The following DCC variants were observed in gnomAD, a reference collection of about 807,000 sequenced individuals.
The protein encoded by DCC is netrin receptor DCC.
In DCC, 58 loss-of-function variants were observed where a neutral mutation model predicts 172.5. The observed-to-expected ratio is 0.34, with a 90% CI of 0.27 to 0.42. DCC has a LOEUF of 0.42. DCC is among the 10% of genes least tolerant of loss of function. The probability of loss-of-function intolerance (pLI) is 1.00; values close to 1 mark genes in which losing one functional copy is unlikely to be tolerated. For synonymous variants in DCC, 709 were observed against 644.5 expected (o/e 1.10, Z -1.52); for missense variants, 1,740 against 1,791.0 (o/e 0.97, Z 0.51).
intron 2 of DCC, among the ~76,000 whole-genome samples, chr18:52,797,350 T>C (rs984928123): frequency 2.0e-5 from 3 of 152,228 alleles, no homozygotes; most frequent in Non-Finnish European, 4.4e-5. Context: ...TATGTTAATA[T>C]CTGCACATCT....
At chr18:52,728,342 G>C (rs1599053190) in intron 1 of DCC, among the ~76,000 whole-genome samples, 1 of 152,146 alleles carries the variant, frequency 6.6e-6, no homozygotes, top group African/African-American at 2.4e-5. Context: ...CAGCTCAAGG[G>C]TAGAGGCATT....
chr18:52,421,252 C>G (rs1212357929), intron 1 of DCC, among the ~76,000 whole-genome samples: 1 of 152,122 alleles, frequency 6.6e-6, no homozygotes, highest in Non-Finnish European at 1.5e-5. Context: ...TCTCAGAAAT[C>G]ATGTAGACAG....
intron 1 of DCC, among the ~76,000 whole-genome samples, chr18:52,433,398 T>C (rs1450736391): frequency 6.6e-6 from 1 of 152,200 alleles, no homozygotes; most frequent in Non-Finnish European, 1.5e-5. Flanking sequence ...ATATTACAGA[T>C]GAGGTAATGA....
intron 2 of DCC, among the ~76,000 whole-genome samples, chr18:52,858,100 G>A (rs17478731): frequency 0.021 from 3,180 of 152,250 alleles, 57 homozygotes; most frequent in Admixed American, 0.04. Context: ...TTTAGATAGC[G>A]AGAATCATGC....
At chr18:52,938,680 A>G (rs2040417407) in intron 5 of DCC, among the ~76,000 whole-genome samples, 1 of 152,164 alleles carries the variant, frequency 6.6e-6, no homozygotes, top group Admixed American at 6.6e-5. Flanking sequence ...ACATATGAAA[A>G]CTGTCAAAAT....
intron 5 of DCC, 117 bp downstream of exon 5, chr18:52,925,487 C>A: frequency 3.9e-6 from 4 of 1,012,806 alleles, no homozygotes; most frequent in Non-Finnish European, 4.7e-6. Context: ...TTGCAAAGTC[C>A]CAATACTCCA....
chr18:53,503,610 C>T (rs904593622), intron 27 of DCC, among the ~76,000 whole-genome samples: 1 of 152,056 alleles, frequency 6.6e-6, no homozygotes, highest in Non-Finnish European at 1.5e-5. Context: ...TTACAAAGGG[C>T]TAAGATAGGG....
At chr18:52,967,314 A>T (rs562612494) in intron 5 of DCC, among the ~76,000 whole-genome samples, 1 of 152,262 alleles carries the variant, frequency 6.6e-6, no homozygotes, top group Admixed American at 6.5e-5. Context: ...CTCCCAAGGT[A>T]GAGTTAACTG....
chr18:52,394,629 T>A lies in DCC; in HGVS notation c.91+53751T>A, dbSNP rs542388528. Among the ~76,000 whole-genome samples the A allele has an allele frequency of 3.9e-4, 60 of 152,100 alleles. 1 individual carries two copies. The South Asian group carries it at 0.012, about 32-fold the overall frequency. ...CTTCCAATGTTTTTAAAAGCATAAG[T>A]CAGTGGGCAGCAGGTTTTGGAGGTC... On this transcript the variant is annotated intron_variant, in intron 1 of 28. Transcript: ENST00000442544.
chr18:52,920,220 T>C (rs546720457), intron 3 of DCC, among the ~76,000 whole-genome samples: 5 of 152,120 alleles, frequency 3.3e-5, no homozygotes, highest in South Asian at 2.1e-4. Flanking sequence ...AGTTGGACTT[T>C]ATTAAAATTA....
At chr18:53,084,296 T>C (rs1264528115) in intron 7 of DCC, among the ~76,000 whole-genome samples, 1 of 152,228 alleles carries the variant, frequency 6.6e-6, no homozygotes, top group Non-Finnish European at 1.5e-5. Context: ...TATTATTCCA[T>C]TAATCTATAA....
chr18:52,609,449 T>G (rs1471584757), intron 1 of DCC, among the ~76,000 whole-genome samples: 9 of 152,000 alleles, frequency 5.9e-5, no homozygotes, highest in Non-Finnish European at 1.3e-4. Flanking sequence ...GTAATTAACA[T>G]GTATTAAGCA....
At chr18:52,404,886 C>A (rs1986581827) in intron 1 of DCC, among the ~76,000 whole-genome samples, 1 of 145,870 alleles carries the variant, frequency 6.9e-6, no homozygotes, top group Admixed American at 7.2e-5. Context: ...TTGTTCAATT[C>A]CCACCTATGA....
rs1598943995 is a variant in DCC at position 52,931,993 on chromosome 18, G to A, written c.985+6623G>A. On this transcript the variant is annotated intron_variant, in intron 5 of 28. Transcript: ENST00000442544. ...TGTTATATGTAAACAGGGACTCTGG[G>A]AAGATATGAAGAGTTGGTAGTCTCC... 4 of 152,220 alleles carry A rather than the reference G, an allele frequency of 2.6e-5. No individual in the cohort carries two copies. The South Asian group carries it at 8.3e-4, about 32-fold the overall frequency. The allele number at this position is 152,220 out of a possible 1,614,324, so 9.4% of individuals were successfully genotyped here. A position where few individuals can be genotyped will look rare whatever the true frequency, so the allele number is the denominator to read the frequency against.
chr18:53,509,532 C>CA (rs1195841036), intron 27 of DCC, among the ~76,000 whole-genome samples: 1 of 152,130 alleles, frequency 6.6e-6, no homozygotes, highest in African/African-American at 2.4e-5. Context: ...TGACCCTCTG[C>CA]AGATTAGATT....
chr18:53,484,294 C>T (rs1432205264), intron 25 of DCC, among the ~76,000 whole-genome samples: 3 of 151,318 alleles, frequency 2.0e-5, no homozygotes, highest in Non-Finnish European at 3.0e-5. Context: ...AAAAGCTGTA[C>T]CAAAATTTAT....
chr18:52,794,134 C>A (rs928232247), intron 2 of DCC, among the ~76,000 whole-genome samples: 1 of 152,028 alleles, frequency 6.6e-6, no homozygotes, highest in Non-Finnish European at 1.5e-5. Flanking sequence ...TATTCAGAAT[C>A]TTTTGTGTTT....
intron 1 of DCC, among the ~76,000 whole-genome samples, chr18:52,359,321 G>A (rs1313695184): frequency 6.6e-6 from 1 of 152,148 alleles, no homozygotes. Context: ...AAGTGATGTG[G>A]TACATATTGC....
chr18:53,364,778 A>G (rs1285947895), intron 15 of DCC, among the ~76,000 whole-genome samples: 1 of 152,174 alleles, frequency 6.6e-6, no homozygotes, highest in Admixed American at 6.5e-5. Flanking sequence ...CTTGAAATTT[A>G]TGAACATTAG....
Sources: gnomAD v4.1 joint callset for allele counts (sites outside exome capture counted in the v4.1 genomes callset) on GRCh38, gnomAD v4.1.1 for gene constraint, MANE v1.5 for transcripts, NCBI Gene and HGNC (gene_info 2026-07-23, HGNC 2026-07-21) for gene names.